PTPRD: variants seen among roughly 807,000 people sequenced by gnomAD.
PTPRD encodes the protein receptor-type tyrosine-protein phosphatase delta.
A neutral mutation model predicts 214.5 loss-of-function variants in PTPRD; 34 were observed. The ratio of observed to expected loss-of-function variants is 0.16; its 90% CI spans 0.12 to 0.21. The LOEUF (loss-of-function observed/expected upper bound fraction) is 0.21, where lower values mean the gene tolerates loss of function less well. PTPRD is among the 10% of genes least tolerant of loss of function. PTPRD has a pLI of 1.00. For missense variants in PTPRD, 2,545 were observed against 2,398.7 expected (o/e 1.06, Z -1.27); for synonymous variants, 1,128 against 845.7 (o/e 1.33, Z -5.79).
intron 7 of PTPRD, among the ~76,000 whole-genome samples, chr9:9,605,865 C>T (rs1475401370): frequency 6.6e-6 from 1 of 152,026 alleles, no homozygotes. Flanking sequence ...GATAACGGAA[C>T]TTGTCATAAT....
chr9:9,281,381 C>T (rs979355686), intron 9 of PTPRD, among the ~76,000 whole-genome samples: 2 of 151,122 alleles, frequency 1.3e-5, no homozygotes, highest in Non-Finnish European at 3.0e-5. Context: ...AATATGCAAA[C>T]AACTTTTAAA....
rs944283521 is a variant in PTPRD at position 8,676,237 on chromosome 9, C to A, written c.65-39393G>T. On this transcript the variant is annotated intron_variant, in intron 12 of 45. Coordinates refer to ENST00000381196, the MANE Select transcript of PTPRD (RefSeq NM_002839.4). ...CTTCATGAAGCAGTTTCAGAACCCT[C>A]TGAGGCTGAGAGATGCTCCTTCATC... Among the ~76,000 whole-genome samples the A allele has an allele frequency of 7.9e-5, 12 of 152,282 alleles. No individual in the cohort carries two copies. In the East Asian group the frequency reaches 2.1e-3, roughly 27 times the overall value.
intron 12 of PTPRD, among the ~76,000 whole-genome samples, chr9:8,703,163 T>C (rs778848720): frequency 3.9e-5 from 6 of 152,226 alleles, no homozygotes; most frequent in Non-Finnish European, 8.8e-5. Context: ...CTATTTAGAC[T>C]TCCTCTCCAG....
intron 14 of PTPRD, among the ~76,000 whole-genome samples, chr9:8,624,836 TC>T (rs2154305278): frequency 6.6e-6 from 1 of 151,958 alleles, no homozygotes; most frequent in African/African-American, 2.4e-5. Flanking sequence ...TAGTTCTCTT[TC>T]CCTTTGCCTC....
At chr9:8,834,660 T>C (rs904499117) in intron 11 of PTPRD, among the ~76,000 whole-genome samples, 7 of 152,196 alleles carry the variant, frequency 4.6e-5, no homozygotes, top group African/African-American at 1.7e-4. Context: ...GGTACTCATA[T>C]TGTTCCTATT....
At chr9:9,352,512 A>C (rs536564889) in intron 9 of PTPRD, among the ~76,000 whole-genome samples, 3 of 151,930 alleles carry the variant, frequency 2.0e-5, no homozygotes, top group African/African-American at 7.2e-5. Flanking sequence ...AACATTTTGC[A>C]TTCTTTGGCT....
intron 10 of PTPRD, among the ~76,000 whole-genome samples, chr9:9,051,614 T>G (rs936598634): frequency 1.9e-4 from 29 of 152,198 alleles, no homozygotes; most frequent in African/African-American, 6.8e-4. Flanking sequence ...TAAATTCATA[T>G]GCCTAAGCCA....
intron 9 of PTPRD, among the ~76,000 whole-genome samples, chr9:9,370,647 T>C (rs1454210403): frequency 6.6e-6 from 1 of 151,254 alleles, no homozygotes; most frequent in South Asian, 2.1e-4. Context: ...TCCAACACTA[T>C]GTTGAATAGG....
At chr9:9,176,887 C>A (rs1343072411) in intron 10 of PTPRD, among the ~76,000 whole-genome samples, 1 of 152,060 alleles carries the variant, frequency 6.6e-6, no homozygotes, top group Non-Finnish European at 1.5e-5. Context: ...GTTATAGCAG[C>A]ACAAAACAGA....
chr9:10,429,798 T>C (rs1245966518), intron 2 of PTPRD, among the ~76,000 whole-genome samples: 3 of 151,950 alleles, frequency 2.0e-5, no homozygotes, highest in African/African-American at 7.2e-5. Flanking sequence ...ATGTATGTTA[T>C]GAATTTCTTT....
chr9:9,002,194 G>T (rs902013726), intron 11 of PTPRD, among the ~76,000 whole-genome samples: 1 of 151,788 alleles, frequency 6.6e-6, no homozygotes, highest in African/African-American at 2.4e-5. Context: ...CAGAGAAATG[G>T]TAAGGTAAAG....
chr9:9,945,520 C>A (rs1355536995), intron 4 of PTPRD, among the ~76,000 whole-genome samples: 1 of 152,098 alleles, frequency 6.6e-6, no homozygotes, highest in African/African-American at 2.4e-5. Context: ...CAACCAAAAA[C>A]AGTGATTCAA....
chr9:8,360,457 G>C (rs2078195305), intron 39 of PTPRD, among the ~76,000 whole-genome samples: 1 of 152,012 alleles, frequency 6.6e-6, no homozygotes, highest in Admixed American at 6.6e-5. Context: ...TACATTTTAG[G>C]GTTCTTTGCT....
At chr9:9,460,549 A>G (rs1346735638) in intron 8 of PTPRD, among the ~76,000 whole-genome samples, 1 of 152,132 alleles carries the variant, frequency 6.6e-6, no homozygotes, top group Non-Finnish European at 1.5e-5. Flanking sequence ...TCAAAAGGAC[A>G]TAAAAATGGC....
At chr9:8,953,142 A>C (rs916795991) in intron 11 of PTPRD, among the ~76,000 whole-genome samples, 1 of 151,936 alleles carries the variant, frequency 6.6e-6, no homozygotes, top group African/African-American at 2.4e-5. Context: ...GGAACTCATA[A>C]CAAGGGTGAC....
intron 2 of PTPRD, among the ~76,000 whole-genome samples, chr9:10,611,989 T>A (rs950808321): frequency 6.8e-6 from 1 of 147,956 alleles, no homozygotes; most frequent in Non-Finnish European, 1.5e-5. Context: ...GGGTGGGAGT[T>A]AGCATGGATT....
chr9:10,106,170 T>A (rs150468575), intron 3 of PTPRD, among the ~76,000 whole-genome samples: 190 of 151,986 alleles, frequency 1.3e-3, no homozygotes, highest in African/African-American at 4.5e-3. Flanking sequence ...ACAGATCTTT[T>A]AACAAGTTCT....
At chr9:10,273,894 A>G (rs1007558762) in intron 3 of PTPRD, among the ~76,000 whole-genome samples, 1 of 152,168 alleles carries the variant, frequency 6.6e-6, no homozygotes. Context: ...ATTTAACAAT[A>G]CACTGTGCTT....
At chr9:10,528,081 C>A (rs2054874572) in intron 2 of PTPRD, among the ~76,000 whole-genome samples, 1 of 152,136 alleles carries the variant, frequency 6.6e-6, no homozygotes, top group Admixed American at 6.6e-5. Context: ...CTATAACACA[C>A]ACACACACTG....
Sources: allele counts gnomAD v4.1 joint callset (sites outside exome capture counted in the v4.1 genomes callset), GRCh38; gene constraint gnomAD v4.1.1; transcripts MANE v1.5; gene names NCBI Gene and HGNC (gene_info 2026-07-23, HGNC 2026-07-21).